Variants in L3HYPDH observed in about 807,000 individuals in gnomAD.
L3HYPDH encodes the protein trans-3-hydroxy-L-proline dehydratase.
A neutral mutation model predicts 26.5 loss-of-function variants in L3HYPDH; 32 were observed. That is an observed-to-expected ratio of 1.21 (90% confidence interval 0.91 to 1.62). The LOEUF is 1.62. Among genes scored for constraint, L3HYPDH ranks in the 40% most tolerant of loss-of-function variants. L3HYPDH has a pLI of 0.00. For synonymous variants in L3HYPDH, 215 were observed against 196.6 expected (o/e 1.09, Z -0.78); for missense variants, 554 against 476.4 (o/e 1.16, Z -1.52).
At chr14:59,467,962 T>C (rs1329530031), downstream of L3HYPDH, among the ~76,000 whole-genome samples, 1 of 152,244 alleles carries the variant, frequency 6.6e-6, no homozygotes. Flanking sequence ...TCCTGAATCT[T>C]GGCTCTCATC....
the L3HYPDH span, among the ~76,000 whole-genome samples, chr14:59,492,112 T>TA: frequency 6.6e-6 from 1 of 152,182 alleles, no homozygotes; most frequent in Non-Finnish European, 1.5e-5. Flanking sequence ...GACTTTCACC[T>TA]ACAGGATATG....
upstream of L3HYPDH, chr14:59,485,091 G>A: frequency 6.3e-7 from 1 of 1,598,424 alleles, no homozygotes; most frequent in Non-Finnish European, 8.5e-7. Context: ...AAATTCAACA[G>A]TCGCTTGGAG....
At chr14:59,465,800 T>C (rs1889151748) in intron 1 of L3HYPDH, among the ~76,000 whole-genome samples, 1 of 152,178 alleles carries the variant, frequency 6.6e-6, no homozygotes, top group South Asian at 2.1e-4. Context: ...CAGACTAATT[T>C]AAACCAGTAA....
chr14:59,495,277 T>A, the L3HYPDH span: 1 of 1,359,966 alleles, frequency 7.4e-7, no homozygotes, highest in Non-Finnish European at 1.0e-6. Context: ...TCTCTGAGGA[T>A]TATTATAGAT....
chr14:59,467,498 T>C (rs1889223749), intron 1 of L3HYPDH, among the ~76,000 whole-genome samples: 1 of 152,176 alleles, frequency 6.6e-6, no homozygotes, highest in Non-Finnish European at 1.5e-5. Flanking sequence ...TCCTTCCTCA[T>C]CTTTCTCAGT....
the L3HYPDH span, among the ~76,000 whole-genome samples, chr14:59,491,090 C>T: frequency 6.6e-6 from 1 of 152,202 alleles, no homozygotes; most frequent in Non-Finnish European, 1.5e-5. Context: ...TGAAATTTTG[C>T]ACTTACAGTC....
the L3HYPDH span, chr14:59,504,507 C>T: frequency 6.5e-6 from 1 of 154,500 alleles, no homozygotes; most frequent in Non-Finnish European, 1.4e-5. Context: ...AACAAACATA[C>T]TTGTGGGGTC....
chr14:59,487,482 C>A, upstream of L3HYPDH: 1 of 456,776 alleles, frequency 2.2e-6, no homozygotes, highest in Non-Finnish European at 3.9e-6. Flanking sequence ...CTTCTAAGAG[C>A]ATTGTACAAA....
chr14:59,490,803 A>G, the L3HYPDH span, among the ~76,000 whole-genome samples: 1 of 152,222 alleles, frequency 6.6e-6, no homozygotes, highest in East Asian at 1.9e-4. Flanking sequence ...CTGAAATAGA[A>G]TAATTGTCCA....
chr14:59,488,921 G>T (rs1029204746), upstream of L3HYPDH, among the ~76,000 whole-genome samples: 1 of 152,224 alleles, frequency 6.6e-6, no homozygotes, highest in African/African-American at 2.4e-5. Context: ...AATTAAAAGA[G>T]AAAAATAAGG....
upstream of L3HYPDH, chr14:59,484,554 A>G: frequency 6.4e-7 from 1 of 1,567,244 alleles, no homozygotes. Context: ...AGATCCGCTG[A>G]TCTAGTGCTT....
the L3HYPDH span, among the ~76,000 whole-genome samples, chr14:59,491,181 A>G: frequency 1.3e-5 from 2 of 152,332 alleles, no homozygotes; most frequent in African/African-American, 4.8e-5. Flanking sequence ...GGAAGGATGC[A>G]TGGTTTGGCA....
At chr14:59,502,449 G>A in the L3HYPDH span, among the ~76,000 whole-genome samples, 1 of 152,170 alleles carries the variant, frequency 6.6e-6, no homozygotes, top group Non-Finnish European at 1.5e-5. Context: ...TTTTGGAGTG[G>A]TTACTGCTGA....
upstream of L3HYPDH, chr14:59,486,805 G>T: frequency 6.5e-7 from 1 of 1,528,144 alleles, no homozygotes; most frequent in South Asian, 1.2e-5. Flanking sequence ...AGAATGTGGG[G>T]TAAGTCTTAT....
chr14:59,495,352 A>G, the L3HYPDH span: 1 of 639,990 alleles, frequency 1.6e-6, no homozygotes, highest in Admixed American at 2.9e-5. Context: ...CGGCTTTATT[A>G]CCTTGAACAT....
downstream of L3HYPDH, among the ~76,000 whole-genome samples, chr14:59,472,257 G>A (rs1336955606): frequency 6.6e-6 from 1 of 152,300 alleles, no homozygotes; most frequent in African/African-American, 2.4e-5. Context: ...TCATTCCATT[G>A]TAAGGATTCA....
chr14:59,483,380 A>T (rs1388467504), intron 1 of L3HYPDH: 1 of 343,968 alleles, frequency 2.9e-6, no homozygotes, highest in Non-Finnish European at 4.3e-6. Flanking sequence ...AAAGGAGACC[A>T]GGTTTAGTAA....
chr14:59,504,231 T>TA, the L3HYPDH span: 1 of 612,672 alleles, frequency 1.6e-6, no homozygotes, highest in Non-Finnish European at 2.9e-6. Flanking sequence ...TGGTTAGACT[T>TA]ACAGACTTGG....
chr14:59,483,421 C>A, intron 1 of L3HYPDH: 11 of 818,256 alleles, frequency 1.3e-5, no homozygotes, highest in Non-Finnish European at 1.6e-5. Context: ...GTCTACCAAG[C>A]ATATTCTCAG....
Sources: gnomAD v4.1 joint callset for allele counts (sites outside exome capture counted in the v4.1 genomes callset) on GRCh38, gnomAD v4.1.1 for gene constraint, MANE v1.5 for transcripts, NCBI Gene and HGNC (gene_info 2026-07-23, HGNC 2026-07-21) for gene names.